SLC38A1: variants seen among roughly 807,000 people sequenced by gnomAD.
SLC38A1 encodes sodium-coupled neutral amino acid symporter 1.
A neutral mutation model predicts 60.3 loss-of-function variants in SLC38A1; 18 were observed. The ratio of observed to expected loss-of-function variants is 0.30; its 90% CI spans 0.21 to 0.44. SLC38A1 has a LOEUF of 0.44. Among genes scored for constraint, SLC38A1 ranks in the 20% least tolerant of loss-of-function variants. The probability of loss-of-function intolerance (pLI) is 1.00; values close to 1 mark genes in which losing one functional copy is unlikely to be tolerated. For synonymous variants in SLC38A1, 196 were observed against 212.1 expected (o/e 0.92, Z 0.66); for missense variants, 448 against 587.2 (o/e 0.76, Z 2.45).
In SLC38A1 at chr12:46,189,061, A is replaced by G; in HGVS notation, c.1373T>C (p.Phe458Ser). ...GGAGAACAACACCCCCAGGCCCAAGAAAAGGGCAGCCTGGAGCAAGAGAAA... is the reference window on the plus strand; with the variant it reads ...GGAGAACAACACCCCCAGGCCCAAGGAAAGGGCAGCCTGGAGCAAGAGAAA... ...KGTQRIWAAL[F>S]LGLGVLFSLV... Residue 458 changes from phenylalanine to serine, a missense_variant, in exon 17 of 17, where the codon TTC becomes TCC. By Grantham distance (155) the Phe-to-Ser change is radical. Transcript: ENST00000398637. 1 of 1,613,700 alleles carries G rather than the reference A, an allele frequency of 6.2e-7. No individual in the cohort carries two copies. Among genetic ancestry groups the G allele is most frequent in the Non-Finnish European group, 8.5e-7 (1 of 1,179,750 alleles).
chr12:46,218,744 A>G (rs1940525366), intron 5 of SLC38A1, among the ~76,000 whole-genome samples: 1 of 152,178 alleles, frequency 6.6e-6, no homozygotes, highest in Non-Finnish European at 1.5e-5. Flanking sequence ...CTCCCAGAGC[A>G]TTCGGGGATC....
intron 2 of SLC38A1, among the ~76,000 whole-genome samples, chr12:46,240,438 C>T (rs777592886): frequency 5.9e-5 from 9 of 152,276 alleles, no homozygotes; most frequent in Middle Eastern, 3.4e-3. Flanking sequence ...TCAGGTGATC[C>T]GCCCTCCTCA....
At chr12:46,234,659 G>C (rs981351179) in intron 3 of SLC38A1, among the ~76,000 whole-genome samples, 1 of 152,014 alleles carries the variant, frequency 6.6e-6, no homozygotes, top group African/African-American at 2.4e-5. Flanking sequence ...GTGTTAGCCA[G>C]GATGGTATCG....
chr12:46,224,813 TG>T (rs1441577436), intron 5 of SLC38A1, among the ~76,000 whole-genome samples: 1 of 152,230 alleles, frequency 6.6e-6, no homozygotes, highest in African/African-American at 2.4e-5. Flanking sequence ...CTTGGTGTGT[TG>T]CGCTTGTTAT....
intron 16 of SLC38A1, chr12:46,196,051 G>T: frequency 1.7e-6 from 2 of 1,193,126 alleles, no homozygotes; most frequent in Non-Finnish European, 2.4e-6. Context: ...GCTGGGAGCT[G>T]CAGACCAGAG....
intron 5 of SLC38A1, among the ~76,000 whole-genome samples, chr12:46,224,218 C>A (rs1940777041): frequency 6.6e-6 from 1 of 152,126 alleles, no homozygotes; most frequent in Non-Finnish European, 1.5e-5. Context: ...CTCAGTACAT[C>A]CCTGACTTGC....
intron 1 of SLC38A1, among the ~76,000 whole-genome samples, chr12:46,249,635 T>TA (rs1237212701): frequency 6.6e-6 from 1 of 151,790 alleles, no homozygotes; most frequent in Non-Finnish European, 1.5e-5. Context: ...ATAGATGCAA[T>TA]AAAAAATGAT....
At chr12:46,262,969 A>G (rs1459139353) in intron 1 of SLC38A1, among the ~76,000 whole-genome samples, 2 of 152,222 alleles carry the variant, frequency 1.3e-5, no homozygotes, top group East Asian at 3.8e-4. Flanking sequence ...TAATGATTCT[A>G]TACACTATTT....
At chr12:46,206,199 A>T in intron 8 of SLC38A1, 37 bp from the exon 9 acceptor site, 1 of 1,360,714 alleles carries the variant, frequency 7.3e-7, no homozygotes, top group Non-Finnish European at 1.0e-6. Context: ...ATATTTTTTT[A>T]GAAAGTGACT....
intron 16 of SLC38A1, among the ~76,000 whole-genome samples, chr12:46,194,956 C>T (rs1404383602): frequency 6.6e-6 from 1 of 152,168 alleles, no homozygotes; most frequent in African/African-American, 2.4e-5. Flanking sequence ...AACTCATTCT[C>T]CGTCTAGTTT....
intron 13 of SLC38A1, among the ~76,000 whole-genome samples, chr12:46,200,648 G>A (rs1415272188): frequency 6.6e-6 from 1 of 151,958 alleles, no homozygotes. Flanking sequence ...GCAAGGCTTC[G>A]ACTTCCAGTG....
chr12:46,225,784 T>C (rs2137804061), intron 5 of SLC38A1, among the ~76,000 whole-genome samples: 1 of 151,918 alleles, frequency 6.6e-6, no homozygotes, highest in South Asian at 2.1e-4. Context: ...GGGCAAAGAG[T>C]CTAAGGTGAA....
Position 46,212,438 on chromosome 12 carries a change from AC to A in SLC38A1, c.315-3312del, listed in dbSNP as rs148462514. Among the ~76,000 whole-genome samples the A allele has an allele frequency of 1.1e-3, 162 of 152,370 alleles. 3 individuals carry two copies. The East Asian group carries it at 0.029, about 28-fold the overall frequency. Reference sequence around the variant, plus strand: ...AAAAAGGCGTACTTACATGGGGACTACAGATCAGCAATTGATAATAGGGCTG... The same window carrying A: ...AAAAAGGCGTACTTACATGGGGACTAAGATCAGCAATTGATAATAGGGCTG... On this transcript the variant is annotated intron_variant, in intron 5 of 16. Transcript: ENST00000398637.
chr12:46,221,525 CT>C (rs1181031705), intron 5 of SLC38A1, among the ~76,000 whole-genome samples: 1 of 152,132 alleles, frequency 6.6e-6, no homozygotes, highest in African/African-American at 2.4e-5. Flanking sequence ...TTCAGTTGAT[CT>C]TTTTTCTCTC....
intron 5 of SLC38A1, among the ~76,000 whole-genome samples, chr12:46,211,929 CTA>C (rs1439776280): frequency 6.6e-6 from 1 of 152,168 alleles, no homozygotes; most frequent in Non-Finnish European, 1.5e-5. Context: ...TATCAGATCA[CTA>C]AGAGGCAAAC....
intron 9 of SLC38A1, 102 bp downstream of exon 9, chr12:46,205,978 G>T: frequency 3.1e-6 from 2 of 639,930 alleles, no homozygotes; most frequent in Non-Finnish European, 5.5e-6. Flanking sequence ...TAATCTTTGA[G>T]TGCATGCAGA....
intron 1 of SLC38A1, among the ~76,000 whole-genome samples, chr12:46,249,965 G>A (rs1279374453): frequency 6.6e-6 from 1 of 152,100 alleles, no homozygotes; most frequent in Non-Finnish European, 1.5e-5. Flanking sequence ...GGAAAAAGAG[G>A]GAATCCTCCC....
At chr12:46,233,044 G>A (rs1028143356) in intron 3 of SLC38A1, among the ~76,000 whole-genome samples, 1 of 152,132 alleles carries the variant, frequency 6.6e-6, no homozygotes, top group Admixed American at 6.5e-5. Flanking sequence ...TTAGAGACAA[G>A]TTCTTGCTTT....
intron 1 of SLC38A1, among the ~76,000 whole-genome samples, chr12:46,243,661 T>C (rs910046733): frequency 9.2e-5 from 14 of 152,186 alleles, no homozygotes; most frequent in Non-Finnish European, 2.1e-4. Flanking sequence ...CAAAGAACTA[T>C]AGTTTCACTG....
Sources: allele counts gnomAD v4.1 joint callset (sites outside exome capture counted in the v4.1 genomes callset), GRCh38; gene constraint gnomAD v4.1.1; transcripts MANE v1.5; gene names NCBI Gene and HGNC (gene_info 2026-07-23, HGNC 2026-07-21).